Variants in TMEM87A observed in about 807,000 individuals in gnomAD.
TMEM87A encodes the protein Golgi-pH regulating cation channel.
TMEM87A carries 50 observed loss-of-function variants against 90.0 expected under a neutral mutation model. The ratio of observed to expected loss-of-function variants is 0.56; its 90% CI spans 0.44 to 0.70. The LOEUF is 0.70. Ranked by LOEUF, TMEM87A falls within the 30% of genes least tolerant of loss-of-function variation. TMEM87A has a pLI of 0.00. For missense variants in TMEM87A, 577 were observed against 660.5 expected, an observed-to-expected ratio of 0.87 and a Z score of 1.39; for synonymous variants, 226 against 226.7, an observed-to-expected ratio of 1.00 and a Z score of 0.03.
At chr15:42,236,535 C>T in intron 9 of TMEM87A, 116 bp from the exon 10 acceptor site, 2 of 812,688 alleles carry the variant, frequency 2.5e-6, no homozygotes, top group Admixed American at 4.4e-5. Context: ...ATTAGTCCTG[C>T]TAAAATAGAA....
At chr15:42,235,380 C>G in intron 10 of TMEM87A, among the ~76,000 whole-genome samples, 1 of 152,172 alleles carries the variant, frequency 6.6e-6, no homozygotes, top group Non-Finnish European at 1.5e-5. Flanking sequence ...GACTCCCAAA[C>G]TTTTATCTCT....
In TMEM87A at chr15:42,239,288, G is replaced by A. The variant is rs138341357; in HGVS notation, c.684+382C>T. Among the ~76,000 whole-genome samples, 710 of 152,220 alleles carry A rather than the reference G, an allele frequency of 4.7e-3. 6 individuals are homozygous for A. The highest frequency in any genetic ancestry group is 0.02 in the Middle Eastern group (6 of 294). On this transcript the variant is annotated intron_variant, in intron 8 of 19. Coordinates refer to ENST00000389834, the MANE Select transcript of TMEM87A (RefSeq NM_015497.5). ...ACTCCTGACCTCAAGTGATCTGCCC[G>A]CCTCAGCTTCCCAAAATGTTGGGAT...
chr15:42,258,023 TAAAG>T (rs2051215654), intron 6 of TMEM87A: 2 of 972,920 alleles, frequency 2.1e-6, no homozygotes, highest in Non-Finnish European at 2.4e-6. Context: ...GATCAGAAAA[TAAAG>T]ACTTAAAAGC....
rs762379489 is a variant in TMEM87A at position 42,231,265 on chromosome 15, AG to A, written c.1063-6del. ...GGAAGCAAGATCAGTCTGGGCCTGC[AG>A]ACAAAGAAAAAGAAGTGGTGAAAAA... On this transcript the variant is annotated splice_polypyrimidine_tract_variant and splice_region_variant and intron_variant, in intron 11 of 19. Transcript: ENST00000389834. 45 of 1,558,828 alleles carry A rather than the reference AG, an allele frequency of 2.9e-5. No homozygotes were observed. The highest frequency in any genetic ancestry group is 3.7e-5 in the Non-Finnish European group (43 of 1,158,960).
rs558748640 is a variant in TMEM87A, at chr15:42,246,019, G to A, written c.505-1852C>T. On this transcript the variant is annotated intron_variant, in intron 6 of 19. Coordinates refer to ENST00000389834, the MANE Select transcript of TMEM87A (RefSeq NM_015497.5). The stretch of plus-strand genomic sequence containing the variant: ...TAGTTCCAAAACATTTTCATCAACC[G>A]AAATGGAGACCCTGTACTCATTAAG... 3.9e-5 allele frequency among the ~76,000 whole-genome samples: 6 copies of A among 152,224 alleles called. No individual in the cohort carries two copies. The South Asian group carries it at 8.3e-4, about 21-fold the overall frequency.
intron 17 of TMEM87A, chr15:42,219,083 C>A (rs1357375767): frequency 6.5e-6 from 1 of 154,638 alleles, no homozygotes; most frequent in Non-Finnish European, 1.4e-5. Flanking sequence ...GTTATTTCTT[C>A]ATTTTGATAA....
intron 6 of TMEM87A, chr15:42,259,096 AAAC>A (rs2051237740): frequency 3.0e-6 from 2 of 666,256 alleles, no homozygotes; most frequent in South Asian, 3.4e-5. Flanking sequence ...CAGCTGATAA[AAAC>A]AACAGCTTAG....
intron 6 of TMEM87A, chr15:42,258,433 T>C (rs1172202287): frequency 2.9e-6 from 2 of 681,114 alleles, no homozygotes; most frequent in Non-Finnish European, 3.6e-6. Context: ...AATATCTTTT[T>C]TCTTTTTTTT....
intron 19 of TMEM87A, among the ~76,000 whole-genome samples, chr15:42,212,978 C>T (rs1703755): frequency 0.31 from 47,206 of 152,094 alleles, 11,153 homozygotes; most frequent in African/African-American, 0.64. Context: ...GATTCAATAA[C>T]ACATGGAAAA....
chr15:42,254,731 G>T (rs2051145139), intron 6 of TMEM87A, among the ~76,000 whole-genome samples: 1 of 152,228 alleles, frequency 6.6e-6, no homozygotes, highest in Non-Finnish European at 1.5e-5. Context: ...GCAGAGCACA[G>T]AGGATTTTTA....
intron 6 of TMEM87A, among the ~76,000 whole-genome samples, chr15:42,255,274 C>G (rs1235770564): frequency 6.6e-6 from 1 of 152,006 alleles, no homozygotes; most frequent in Admixed American, 6.6e-5. Context: ...GCTAGGATTA[C>G]AGGCATGTGC....
rs763557675 is a variant in TMEM87A, at chr15:42,267,966, T to C, written c.272A>G (p.Asn91Ser). The change falls in exon 3 of 20, where the codon AAT becomes AGT. Residue 91 changes from asparagine to serine, a missense_variant. By Grantham distance (46) the Asn-to-Ser change is conservative. Transcript: ENST00000389834. ...CCTTACCTTGAAGTTATAGATTTCA[T>C]TGTAACAATCAGCGCTTTTCAGATA... Reference protein sequence around the residue: ...TWYLKSADCYNEIYNFKAEEV... With the variant: ...TWYLKSADCYSEIYNFKAEEV... The C allele has an allele frequency of 3.7e-6, 6 of 1,613,384 alleles. No individual in the cohort carries two copies. Among genetic ancestry groups the C allele is most frequent in the Non-Finnish European group, 4.2e-6 (5 of 1,179,684 alleles).
At chr15:42,243,631 C>T (rs1325872087) in intron 7 of TMEM87A, among the ~76,000 whole-genome samples, 3 of 151,146 alleles carry the variant, frequency 2.0e-5, no homozygotes, top group Non-Finnish European at 4.4e-5. Context: ...GCGATTCTCC[C>T]GCCTCAGCCT....
At position 42,227,726 on chromosome 15, in the gene TMEM87A, T is replaced by C. The variant is rs754787084; in HGVS notation, c.1284A>G (p.Ile428Met). 2 of 1,613,972 alleles carry C rather than the reference T, an allele frequency of 1.2e-6. No individual in the cohort carries two copies. The highest frequency in any genetic ancestry group is 1.7e-6 in the Non-Finnish European group (2 of 1,179,890). The change falls in exon 14 of 20, where the codon ATA becomes ATG. Residue 428 changes from isoleucine to methionine, a missense_variant. By Grantham distance (10) the Ile-to-Met change is conservative. Transcript: ENST00000389834. ...TATAACTCACCGACTGACATGTCAC[T>C]ATTCTGAACTTCATGGTTGTCCAGA... The part of the protein sequence containing the change: ...FIIWTTMKFR[I>M]VTCQSDWREL...
At chr15:42,243,184 C>T (rs561423107) in intron 7 of TMEM87A, among the ~76,000 whole-genome samples, 51 of 151,946 alleles carry the variant, frequency 3.4e-4, no homozygotes, top group Admixed American at 1.2e-3. Context: ...AGGAGAATGG[C>T]GTGAACCCAG....
intron 17 of TMEM87A, 82 bp from the exon 18 acceptor site, chr15:42,218,460 G>A: frequency 1.5e-6 from 2 of 1,360,608 alleles, no homozygotes; most frequent in South Asian, 1.3e-5. Flanking sequence ...CTTAAAACTT[G>A]TCTTTCATAA....
At position 42,268,110 on chromosome 15, in the gene TMEM87A, T is replaced by C. The variant is rs115520697; in HGVS notation, c.206-78A>G. ...TTTCCTAAGCTGTTAACCTATATCC[T>C]ATTCATTTCGTACCCTAAACTGAGA... On this transcript the variant is annotated intron_variant, in intron 2 of 19. Transcript: ENST00000389834. 1.8e-3 allele frequency: 2,213 copies of C among 1,239,620 alleles called. 29 individuals carry two copies. In the African/African-American group the frequency reaches 0.03, roughly 17 times the overall value. 76.8% of individuals were successfully genotyped at this position (1,239,620 alleles called of 1,614,324 possible).
At chr15:42,262,631 G>A (rs1055045069) in intron 4 of TMEM87A, among the ~76,000 whole-genome samples, 3 of 151,860 alleles carry the variant, frequency 2.0e-5, no homozygotes, top group African/African-American at 7.3e-5. Flanking sequence ...TGGCCAGGCT[G>A]GTCTTGAACT....
At chr15:42,241,145 G>T (rs1300742479) in intron 7 of TMEM87A, among the ~76,000 whole-genome samples, 1 of 152,174 alleles carries the variant, frequency 6.6e-6, no homozygotes, top group African/African-American at 2.4e-5. Context: ...GCTAGCCCCT[G>T]CTCTATGCTA....
Sources: allele counts gnomAD v4.1 joint callset (sites outside exome capture counted in the v4.1 genomes callset), GRCh38; gene constraint gnomAD v4.1.1; transcripts MANE v1.5; gene names NCBI Gene and HGNC (gene_info 2026-07-23, HGNC 2026-07-21).